VAV3: variants seen among roughly 807,000 people sequenced by gnomAD.
The protein encoded by VAV3 is vav guanine nucleotide exchange factor 3.
In VAV3, 94 loss-of-function variants were observed where a neutral mutation model predicts 131.2. The observed-to-expected ratio is 0.72, with a 90% CI of 0.61 to 0.85. The LOEUF (loss-of-function observed/expected upper bound fraction) is 0.85. Among genes scored for constraint, VAV3 ranks in the 40% least tolerant of loss-of-function variants. VAV3 has a pLI of 0.00. For missense variants in VAV3, 939 were observed against 1,002.7 expected (o/e 0.94, Z 0.86); for synonymous variants, 349 against 342.0 (o/e 1.02, Z -0.22).
intron 2 of VAV3, among the ~76,000 whole-genome samples, chr1:107,836,956 C>T (rs927526999): frequency 6.6e-6 from 1 of 151,956 alleles, no homozygotes; most frequent in Non-Finnish European, 1.5e-5. Flanking sequence ...GGATTCACAG[C>T]CAAATTCTTC....
intron 17 of VAV3, among the ~76,000 whole-genome samples, chr1:107,696,671 G>A (rs1659768586): frequency 6.6e-6 from 1 of 152,118 alleles, no homozygotes; most frequent in African/African-American, 2.4e-5. Flanking sequence ...TTAAGGGGGG[G>A]TCTGATCTAT....
At chr1:107,783,807 G>A (rs1249351819) in intron 2 of VAV3, among the ~76,000 whole-genome samples, 1 of 151,906 alleles carries the variant, frequency 6.6e-6, no homozygotes, top group Middle Eastern at 3.2e-3. Context: ...CCAGCACTTT[G>A]GGAGGCTGAG....
chr1:107,948,507 C>G (rs2101321767), intron 1 of VAV3, among the ~76,000 whole-genome samples: 1 of 152,270 alleles, frequency 6.6e-6, no homozygotes, highest in East Asian at 1.9e-4. Flanking sequence ...CTAGAATTAT[C>G]TGTAACAATT....
intron 1 of VAV3, among the ~76,000 whole-genome samples, chr1:107,914,107 C>T (rs1672500798): frequency 6.6e-6 from 1 of 152,064 alleles, no homozygotes; most frequent in Non-Finnish European, 1.5e-5. Flanking sequence ...TATATAACTG[C>T]AAATGTCTTA....
rs750457481 is a variant in VAV3, at chr1:107,580,116, C to T, written c.2351-5918G>A. 7.2e-5 allele frequency among the ~76,000 whole-genome samples: 11 copies of T among 152,302 alleles called. No homozygotes were observed. The East Asian group carries it at 7.7e-4, about 11-fold the overall frequency. On this transcript the variant is annotated intron_variant, in intron 25 of 26. Transcript: ENST00000370056. ...CTGTGTTGTATCCCCAATTAGACAG[C>T]GATTCTGGAGGGCAGGGGCCAGTTC...
At chr1:107,784,591 G>C (rs1343216690) in intron 2 of VAV3, among the ~76,000 whole-genome samples, 3 of 152,154 alleles carry the variant, frequency 2.0e-5, no homozygotes, top group Non-Finnish European at 4.4e-5. Context: ...CACCCCTGAA[G>C]AGTATATAAA....
intron 2 of VAV3, among the ~76,000 whole-genome samples, chr1:107,845,757 A>T (rs1198390590): frequency 6.6e-6 from 1 of 152,156 alleles, no homozygotes; most frequent in African/African-American, 2.4e-5. Context: ...AGAAAAAAGA[A>T]TGAAAAGGAA....
intron 1 of VAV3, among the ~76,000 whole-genome samples, chr1:107,943,751 A>G (rs185943268): frequency 6.6e-6 from 1 of 152,350 alleles, no homozygotes; most frequent in East Asian, 1.9e-4. Context: ...AAAACAAAAC[A>G]AAACAAAACA....
chr1:107,861,712 T>C (rs918208186), intron 2 of VAV3, among the ~76,000 whole-genome samples: 4 of 151,538 alleles, frequency 2.6e-5, no homozygotes, highest in Non-Finnish European at 5.9e-5. Context: ...ATTATAAATA[T>C]GCAGCTACTT....
chr1:107,650,485 C>T (rs931570096), intron 19 of VAV3, among the ~76,000 whole-genome samples: 4 of 151,606 alleles, frequency 2.6e-5, no homozygotes, highest in South Asian at 2.1e-4. Flanking sequence ...TATGTTGACA[C>T]GTAATTCCCA....
chr1:107,906,764 A>T (rs1298525389), intron 1 of VAV3, among the ~76,000 whole-genome samples: 1 of 152,192 alleles, frequency 6.6e-6, no homozygotes, highest in Non-Finnish European at 1.5e-5. Flanking sequence ...ACTTTTTATG[A>T]TCACAATAGA....
At chr1:107,614,864 A>G (rs1653024491) in intron 21 of VAV3, among the ~76,000 whole-genome samples, 1 of 152,168 alleles carries the variant, frequency 6.6e-6, no homozygotes, top group African/African-American at 2.4e-5. Flanking sequence ...AAAACAGTAC[A>G]TGGTACATTC....
chr1:107,838,070 G>C (rs1668550423), intron 2 of VAV3, among the ~76,000 whole-genome samples: 1 of 152,120 alleles, frequency 6.6e-6, no homozygotes, highest in Admixed American at 6.5e-5. Flanking sequence ...CTTCTGCACA[G>C]TAGGAGAAAC....
intron 1 of VAV3, among the ~76,000 whole-genome samples, chr1:107,882,356 G>T (rs1213689671): frequency 6.6e-6 from 1 of 152,150 alleles, no homozygotes; most frequent in Non-Finnish European, 1.5e-5. Context: ...CCCTGAATTT[G>T]AGGGTCTGGC....
intron 1 of VAV3, chr1:107,897,206 T>C (rs1230385941): frequency 6.6e-6 from 1 of 151,508 alleles, no homozygotes; most frequent in Non-Finnish European, 1.5e-5. Flanking sequence ...TAAATATATA[T>C]TGAACAACTA....
intron 1 of VAV3, among the ~76,000 whole-genome samples, chr1:107,937,027 TTA>T (rs1673752805): frequency 6.6e-6 from 1 of 152,006 alleles, no homozygotes; most frequent in African/African-American, 2.4e-5. Context: ...TTGCCACACC[TTA>T]CACACAGTCA....
At chr1:107,939,181 C>A (rs546784721) in intron 1 of VAV3, among the ~76,000 whole-genome samples, 2 of 151,980 alleles carry the variant, frequency 1.3e-5, no homozygotes, top group Admixed American at 1.3e-4. Flanking sequence ...AAGATAACAG[C>A]GCCAATTTTA....
chr1:107,714,333 T>G (rs1660963729), intron 15 of VAV3, among the ~76,000 whole-genome samples: 1 of 152,150 alleles, frequency 6.6e-6, no homozygotes. Flanking sequence ...CAGTTGTTTC[T>G]GTCAAGTCAT....
intron 18 of VAV3, chr1:107,685,700 T>G (rs1211774353): frequency 6.6e-6 from 1 of 152,170 alleles, no homozygotes; most frequent in South Asian, 2.1e-4. Flanking sequence ...AAGATTTTTT[T>G]ATACTTTAAA....
Sources: gnomAD v4.1 joint callset for allele counts (sites outside exome capture counted in the v4.1 genomes callset) on GRCh38, gnomAD v4.1.1 for gene constraint, MANE v1.5 for transcripts, NCBI Gene and HGNC (gene_info 2026-07-23, HGNC 2026-07-21) for gene names.